The following ADAM22 variants were observed in gnomAD, a reference collection of about 807,000 sequenced individuals.
ADAM22 encodes the protein disintegrin and metalloproteinase domain-containing protein 22.
A neutral mutation model predicts 144.6 loss-of-function variants in ADAM22; 65 were observed. That is an observed-to-expected ratio of 0.45 (90% CI 0.37 to 0.55). ADAM22 has a LOEUF of 0.55. ADAM22 is among the 20% of genes least tolerant of loss of function. The pLI is 0.00. For synonymous variants in ADAM22, 391 were observed against 412.6 expected (o/e 0.95, Z 0.63); for missense variants, 974 against 1,184.9 (o/e 0.82, Z 2.61).
chr7:88,156,890 T>C (rs1220213149), intron 22 of ADAM22, among the ~76,000 whole-genome samples: 1 of 149,510 alleles, frequency 6.7e-6, no homozygotes, highest in African/African-American at 2.5e-5. Context: ...TTATCAGAGA[T>C]GTGAAAAAAA....
Position 88,149,001 on chromosome 7 carries a change from C to G in ADAM22, c.1510C>G (p.Arg504Gly), listed in dbSNP as rs1321767325. 1 of 1,611,518 alleles carries G rather than the reference C, an allele frequency of 6.2e-7. No homozygotes were observed. Among genetic ancestry groups the G allele is most frequent in the African/African-American group, 1.3e-5 (1 of 74,740 alleles). Reference protein sequence around the residue: ...CKFQPMGTVCREAVNDCDIRE... With the variant: ...CKFQPMGTVCGEAVNDCDIRE... ...GTTTCAGCCTATGGGCACTGTGTGC[C>G]GAGAAGCAGTAAATGATTGTGATAT... Residue 504 changes from arginine (R) to glycine (G), a missense_variant, in exon 18 of 32, where the codon CGA becomes GGA. Around this residue, in one of 2 missense-constraint regions of ADAM22, gnomAD observed 734 missense variants for 950.6 expected, o/e 0.77. Coordinates refer to ENST00000413139, the MANE Select transcript of ADAM22 (RefSeq NM_001324418.2).
chr7:88,005,914 A>G (rs145337181), intron 3 of ADAM22, among the ~76,000 whole-genome samples: 50 of 152,282 alleles, frequency 3.3e-4, no homozygotes, highest in African/African-American at 1.1e-3. Flanking sequence ...TAACATAAAT[A>G]CCACAAAAAC....
At chr7:88,037,369 C>T (rs569418628) in intron 3 of ADAM22, among the ~76,000 whole-genome samples, 16 of 151,994 alleles carry the variant, frequency 1.1e-4, no homozygotes, top group Admixed American at 3.9e-4. Flanking sequence ...CTATCTTATG[C>T]GTTCTACAAA....
At chr7:88,154,853 T>C (rs1839479797) in intron 21 of ADAM22, among the ~76,000 whole-genome samples, 1 of 152,162 alleles carries the variant, frequency 6.6e-6, no homozygotes. Context: ...ATACAGGTTC[T>C]AATTTTTCTT....
intron 3 of ADAM22, among the ~76,000 whole-genome samples, chr7:88,054,369 G>A (rs541119565): frequency 5.3e-5 from 8 of 152,182 alleles, no homozygotes; most frequent in African/African-American, 1.9e-4. Flanking sequence ...GCCCTGAGGT[G>A]ATGTTCTCCC....
chr7:88,118,416 T>C (rs1828353319), intron 7 of ADAM22, among the ~76,000 whole-genome samples: 1 of 152,148 alleles, frequency 6.6e-6, no homozygotes, highest in Non-Finnish European at 1.5e-5. Context: ...ATATAGATGC[T>C]CTTACCTCTC....
chr7:88,192,802 CT>C (rs1437622643), intron 30 of ADAM22, among the ~76,000 whole-genome samples: 1 of 152,162 alleles, frequency 6.6e-6, no homozygotes, highest in Non-Finnish European at 1.5e-5. Context: ...ATTATAAGCT[CT>C]TAGAATAATT....
rs1554478726 is a variant in ADAM22, at chr7:88,113,703, A to AATAAATAAATAT, written c.474-878_474-877insAATAAATATATA. On this transcript the variant is annotated intron_variant, in intron 5 of 31. Transcript: ENST00000413139. ...TATATATATTATAAATAAATAAATA[A>AATAAATAAATAT]ATATATATATATATATATATATATA... is the stretch of plus-strand genomic sequence containing the variant. Among the ~76,000 whole-genome samples the AATAAATAAATAT allele has an allele frequency of 2.7e-3, 131 of 48,074 alleles. 1 individual carries two copies. The highest frequency in any genetic ancestry group is 0.011 in the East Asian group (8 of 714). The allele number at this position is 48,074 out of a possible 152,430, so 31.5% of individuals were successfully genotyped here. A position where few individuals can be genotyped will look rare whatever the true frequency, so the allele number is the denominator to read the frequency against.
chr7:87,952,891 A>T (rs544100219), intron 2 of ADAM22, among the ~76,000 whole-genome samples: 2 of 152,296 alleles, frequency 1.3e-5, no homozygotes, highest in South Asian at 4.1e-4. Context: ...GTGTTGAGGA[A>T]TTTATCCATT....
intron 15 of ADAM22, among the ~76,000 whole-genome samples, chr7:88,143,873 A>G (rs1228970363): frequency 2.0e-5 from 3 of 152,246 alleles, no homozygotes; most frequent in Admixed American, 2.0e-4. Flanking sequence ...TTGCGAAGCA[A>G]ATTGACAATT....
At chr7:87,982,330 T>C (rs1462253004) in intron 3 of ADAM22, among the ~76,000 whole-genome samples, 1 of 151,730 alleles carries the variant, frequency 6.6e-6, no homozygotes, top group African/African-American at 2.4e-5. Flanking sequence ...CATTCGAGAA[T>C]TGGTTGTCCG....
chr7:88,053,275 G>A lies in ADAM22; in HGVS notation c.324-22351G>A, dbSNP rs576104016. On this transcript the variant is annotated intron_variant, in intron 3 of 31. Coordinates refer to ENST00000413139, the MANE Select transcript of ADAM22 (RefSeq NM_001324418.2). ...AAAGCCAAGAGTTGGAGACCAGCTT[G>A]GGCAACATAGCAAGACACCCTCTCC... Among the ~76,000 whole-genome samples, 8 of 151,822 alleles carry A rather than the reference G, an allele frequency of 5.3e-5. 1 individual carries two copies. In the South Asian group the frequency reaches 1.7e-3, roughly 32 times the overall value.
chr7:88,047,833 A>G (rs887540301), intron 3 of ADAM22, among the ~76,000 whole-genome samples: 1 of 152,160 alleles, frequency 6.6e-6, no homozygotes, highest in African/African-American at 2.4e-5. Context: ...CACTGAATTT[A>G]TAAGTAAATG....
At chr7:88,034,812 G>A (rs145000611) in intron 3 of ADAM22, among the ~76,000 whole-genome samples, 87 of 152,196 alleles carry the variant, frequency 5.7e-4, no homozygotes, top group African/African-American at 2.0e-3. Flanking sequence ...GAATTCCAAC[G>A]CAAAGTCCCA....
chr7:88,082,288 A>G (rs1816937563), intron 4 of ADAM22, among the ~76,000 whole-genome samples: 1 of 152,228 alleles, frequency 6.6e-6, no homozygotes, highest in Non-Finnish European at 1.5e-5. Context: ...AGCCATAAGT[A>G]AAAAGCTGAA....
intron 3 of ADAM22, among the ~76,000 whole-genome samples, chr7:88,004,758 A>C (rs1793390376): frequency 1.3e-5 from 2 of 152,222 alleles, no homozygotes. Context: ...CTAAGATTTT[A>C]TGGCATTTCA....
At chr7:88,167,700 G>A (rs890610848) in intron 24 of ADAM22, among the ~76,000 whole-genome samples, 4 of 152,198 alleles carry the variant, frequency 2.6e-5, no homozygotes, top group African/African-American at 7.2e-5. Flanking sequence ...CACTTTGAGA[G>A]AGACAAAATA....
intron 3 of ADAM22, among the ~76,000 whole-genome samples, chr7:88,036,403 G>T (rs1801532816): frequency 6.6e-6 from 1 of 152,030 alleles, no homozygotes; most frequent in African/African-American, 2.4e-5. Context: ...TGAGGGCTGG[G>T]GATGGACATG....
intron 3 of ADAM22, among the ~76,000 whole-genome samples, chr7:87,997,870 A>G (rs1477523123): frequency 2.6e-5 from 4 of 152,240 alleles, no homozygotes; most frequent in Non-Finnish European, 1.5e-5. Flanking sequence ...ATTAAGGAGT[A>G]TTGACTCACA....
Sources: gnomAD v4.1 joint callset for allele counts (sites outside exome capture counted in the v4.1 genomes callset) on GRCh38, gnomAD v4.1.1 for gene constraint, gnomAD v4.1.1 regional missense constraint, MANE v1.5 for transcripts, NCBI Gene and HGNC (gene_info 2026-07-23, HGNC 2026-07-21) for gene names.